LRBA: variants seen among roughly 807,000 people sequenced by gnomAD.
The protein encoded by LRBA is lipopolysaccharide-responsive and beige-like anchor protein.
LRBA carries 176 observed loss-of-function variants against 330.0 expected under a neutral mutation model. The ratio of observed to expected loss-of-function variants is 0.53; its 90% confidence interval spans 0.47 to 0.60. LRBA has a LOEUF of 0.60. Ranked by LOEUF, LRBA falls within the 20% of genes least tolerant of loss-of-function variation. LRBA has a pLI of 0.00. For missense variants in LRBA, 3,259 were observed against 3,444.8 expected (o/e 0.95, Z 1.35); for synonymous variants, 1,230 against 1,193.0 (o/e 1.03, Z -0.64).
intron 40 of LRBA, among the ~76,000 whole-genome samples, chr4:150,557,548 C>A (rs1462096399): frequency 6.8e-6 from 1 of 147,342 alleles, no homozygotes; most frequent in Non-Finnish European, 1.5e-5. Flanking sequence ...TATATTTAGT[C>A]TTGATGTCTC....
intron 40 of LRBA, among the ~76,000 whole-genome samples, chr4:150,498,495 T>TC: frequency 6.7e-6 from 1 of 148,630 alleles, no homozygotes; most frequent in East Asian, 1.9e-4. Flanking sequence ...TAAGTCTAAA[T>TC]TTTTTTTTGA....
intron 36 of LRBA, among the ~76,000 whole-genome samples, chr4:150,700,076 C>G (rs1483368684): frequency 2.0e-5 from 3 of 151,916 alleles, no homozygotes; most frequent in African/African-American, 7.3e-5. Context: ...ACAAATATTC[C>G]AAAATCTTTA....
At chr4:150,421,233 T>A (rs1476331480) in intron 46 of LRBA, among the ~76,000 whole-genome samples, 1 of 135,198 alleles carries the variant, frequency 7.4e-6, no homozygotes, top group Non-Finnish European at 1.6e-5. Context: ...ACATATATAA[T>A]ATAAATATAT....
In LRBA at chr4:150,817,239, T is replaced by A. The variant is rs575017554; in HGVS notation, c.5190A>T (p.Ala1730=). 3 of 1,612,168 alleles carry A rather than the reference T, an allele frequency of 1.9e-6. No individual in the cohort carries two copies. The Admixed American group carries it at 5.0e-5, about 27-fold the overall frequency. ...RSFDRSVIVA[A]KKSAVSPSTF... ...TGGAAGGTGAGACTGCTGACTTTTT[T>A]GCTGCAACAATGACACTTCTGTAAT... Residue 1730 remains alanine, a synonymous_variant, in exon 31 of 57, where the codon GCA becomes GCT. Coordinates refer to ENST00000651943, the MANE Select transcript of LRBA (RefSeq NM_001364905.1).
chr4:150,427,679 A>G (rs1749822387), intron 46 of LRBA, among the ~76,000 whole-genome samples: 1 of 152,062 alleles, frequency 6.6e-6, no homozygotes, highest in Non-Finnish European at 1.5e-5. Flanking sequence ...ACTTTCTTTC[A>G]GCATTTTTTA....
At chr4:150,572,551 C>T (rs1770001665) in intron 40 of LRBA, among the ~76,000 whole-genome samples, 1 of 152,042 alleles carries the variant, frequency 6.6e-6, no homozygotes, top group East Asian at 1.9e-4. Context: ...CTCTTAAATT[C>T]TCAAACATTG....
At chr4:150,581,032 A>G (rs1771254826) in intron 40 of LRBA, 1 of 155,976 alleles carries the variant, frequency 6.4e-6, no homozygotes, top group African/African-American at 2.4e-5. Flanking sequence ...TTAGGTTTAC[A>G]TTTACTTGCC....
chr4:150,718,044 T>C (rs1728463533), intron 36 of LRBA, among the ~76,000 whole-genome samples: 1 of 152,210 alleles, frequency 6.6e-6, no homozygotes, highest in Admixed American at 6.5e-5. Flanking sequence ...TATTCACACA[T>C]GCACAATGTT....
Position 150,803,083 on chromosome 4 carries a change from T to C in LRBA, c.5518+3188A>G, listed in dbSNP as rs200059992. ...AAAACAAACAAAAAAAAAATATATA[T>C]ACACACACACACACACACACACACA... On this transcript the variant is annotated intron_variant, in intron 33 of 56. Coordinates refer to ENST00000651943, the MANE Select transcript of LRBA (RefSeq NM_001364905.1). 3.1e-3 allele frequency among the ~76,000 whole-genome samples: 397 copies of C among 128,482 alleles called. 3 individuals carry two copies. The highest frequency in any genetic ancestry group is 0.019 in the South Asian group (78 of 4,150). 84.3% of individuals were successfully genotyped at this position (128,482 alleles called of 152,430 possible).
intron 37 of LRBA, among the ~76,000 whole-genome samples, chr4:150,651,284 T>A (rs1053010527): frequency 2.6e-5 from 4 of 152,132 alleles, no homozygotes; most frequent in Admixed American, 6.5e-5. Flanking sequence ...CACAGCACTA[T>A]AGCACCAGAA....
chr4:150,908,926 G>T, intron 9 of LRBA, 69 bp from the exon 10 acceptor site: 2 of 1,060,050 alleles, frequency 1.9e-6, no homozygotes, highest in Non-Finnish European at 2.8e-6. Flanking sequence ...CAACACAGGT[G>T]TAAAACTTTA....
At chr4:150,738,808 C>A (rs1731560346) in intron 35 of LRBA, among the ~76,000 whole-genome samples, 1 of 150,190 alleles carries the variant, frequency 6.7e-6, no homozygotes, top group East Asian at 2.0e-4. Context: ...AACCAACAAG[C>A]CAATGGGAAA....
At chr4:150,679,351 T>C (rs1561507003) in intron 37 of LRBA, among the ~76,000 whole-genome samples, 1 of 152,174 alleles carries the variant, frequency 6.6e-6, no homozygotes, top group African/African-American at 2.4e-5. Context: ...CAAGATAAAA[T>C]AGTAATGCTA....
Position 150,515,538 on chromosome 4 carries a change from C to T in LRBA, c.6331-24503G>A, listed in dbSNP as rs148504877. ...GTAGGTACAGCTAGTAAAACAGGGC[C>T]TGGCACATCATAAGCACTATGCATG... On this transcript the variant is annotated intron_variant, in intron 40 of 56. Coordinates refer to ENST00000651943, the MANE Select transcript of LRBA (RefSeq NM_001364905.1). 4.6e-4 allele frequency among the ~76,000 whole-genome samples: 70 copies of T among 152,090 alleles called. 1 individual carries two copies. The highest frequency in any genetic ancestry group is 3.9e-3 in the Admixed American group (59 of 15,276).
chr4:150,487,718 A>G lies in LRBA; in HGVS notation c.6551+14T>C. 6.5e-7 allele frequency: 1 copy of G among 1,531,560 alleles called. No individual in the cohort carries two copies. Among genetic ancestry groups the G allele is most frequent in the East Asian group, 2.3e-5 (1 of 44,198 alleles). The allele number at this position is 1,531,560 out of a possible 1,614,324, so 94.9% of individuals were successfully genotyped here. On this transcript the variant is annotated intron_variant, in intron 42 of 56. Coordinates refer to ENST00000651943, the MANE Select transcript of LRBA (RefSeq NM_001364905.1). Reference sequence around the variant, plus strand: ...ACACTTTACTTTCCCTAAGTTTCTCATATAAAACAGTACCTGGTTTGAGGC... The same window carrying G: ...ACACTTTACTTTCCCTAAGTTTCTCGTATAAAACAGTACCTGGTTTGAGGC...
At chr4:150,403,627 C>A (rs966913316) in intron 47 of LRBA, among the ~76,000 whole-genome samples, 1 of 151,810 alleles carries the variant, frequency 6.6e-6, no homozygotes, top group Admixed American at 6.6e-5. Context: ...CACTAAGTTA[C>A]CATAAATGAG....
chr4:150,905,716 C>T, intron 13 of LRBA, 122 bp downstream of exon 13: 1 of 796,982 alleles, frequency 1.3e-6, no homozygotes, highest in Non-Finnish European at 1.9e-6. Flanking sequence ...TCAAAAAAAG[C>T]AATCCACTGA....
intron 46 of LRBA, among the ~76,000 whole-genome samples, chr4:150,427,799 T>G (rs181024279): frequency 6.6e-6 from 1 of 152,130 alleles, no homozygotes; most frequent in East Asian, 1.9e-4. Context: ...AATAAATACA[T>G]TAAGAAATAC....
intron 40 of LRBA, among the ~76,000 whole-genome samples, chr4:150,564,011 C>A (rs537354625): frequency 6.6e-6 from 1 of 152,312 alleles, no homozygotes; most frequent in Non-Finnish European, 1.5e-5. Flanking sequence ...CAATGACTTT[C>A]TTCACAGAGT....
Sources: allele counts gnomAD v4.1 joint callset (sites outside exome capture counted in the v4.1 genomes callset), GRCh38; gene constraint gnomAD v4.1.1; transcripts MANE v1.5; gene names NCBI Gene and HGNC (gene_info 2026-07-23, HGNC 2026-07-21).